The following ZNF398 variants were observed in gnomAD, a reference collection of about 807,000 sequenced individuals.
The protein encoded by ZNF398 is zinc finger DNA binding protein ZER6.
Under a neutral mutation model 41.9 loss-of-function variants are expected in ZNF398, and 18 were observed. That is an observed-to-expected ratio of 0.43 (90% confidence interval 0.30 to 0.64). The LOEUF (loss-of-function observed/expected upper bound fraction) is 0.64, where lower values mean the gene tolerates loss of function less well. Ranked by LOEUF, ZNF398 falls within the 30% of genes least tolerant of loss-of-function variation. The probability of loss-of-function intolerance (pLI) is 0.14; values close to 1 mark genes in which losing one functional copy is unlikely to be tolerated. For synonymous variants in ZNF398, 260 were observed against 308.8 expected, an observed-to-expected ratio of 0.84 and a Z score of 1.66; for missense variants, 669 against 822.8, an observed-to-expected ratio of 0.81 and a Z score of 2.29.
chr7:149,170,010 G>A (rs1295318819), intron 4 of ZNF398, among the ~76,000 whole-genome samples: 1 of 152,186 alleles, frequency 6.6e-6, no homozygotes, highest in Non-Finnish European at 1.5e-5. Flanking sequence ...AATTGTTCCA[G>A]TAATGAGTTG....
In ZNF398 at chr7:149,164,495, A is replaced by G. The variant is rs182466489; in HGVS notation, c.421-1663A>G. Among the ~76,000 whole-genome samples, 104 of 152,346 alleles carry G rather than the reference A, an allele frequency of 6.8e-4. 2 individuals are homozygous for G. The East Asian group carries it at 0.014, about 21-fold the overall frequency. On this transcript the variant is annotated intron_variant, in intron 2 of 5. Coordinates refer to ENST00000475153, the MANE Select transcript of ZNF398 (RefSeq NM_170686.3). ...GAACGAAACTTTCAAGCATACTAGA[A>G]ATAACAGCCATGAAACTAGAGGCAG... is the stretch of plus-strand genomic sequence containing the variant.
Position 149,181,458 on chromosome 7 carries a change from G to A in ZNF398, c.*1657G>A, listed in dbSNP as rs1795588116. On this transcript the variant is annotated 3_prime_UTR_variant, in exon 6 of 6. Transcript: ENST00000475153. Reference sequence around the variant, plus strand: ...GAGGTCTAGAACAAGGTCTGGAAATGTTTAGACAGGATATTTTCTTGATGA... The same window carrying A: ...GAGGTCTAGAACAAGGTCTGGAAATATTTAGACAGGATATTTTCTTGATGA... 6.6e-6 allele frequency: 1 copy of A among 152,200 alleles called. No homozygotes were observed. The highest frequency in any genetic ancestry group is 6.5e-5 in the Admixed American group (1 of 15,274). The allele number at this position is 152,200 out of a possible 1,614,324, so 9.4% of individuals were successfully genotyped here. A position where few individuals can be genotyped will look rare whatever the true frequency, so the allele number is the denominator to read the frequency against.
At chr7:149,177,876 T>C (rs1795493880) in intron 5 of ZNF398, among the ~76,000 whole-genome samples, 2 of 152,106 alleles carry the variant, frequency 1.3e-5, no homozygotes, top group South Asian at 4.1e-4. Flanking sequence ...GGGCTGGGTG[T>C]GGTGGCTCAT....
intron 1 of ZNF398, among the ~76,000 whole-genome samples, chr7:149,148,915 T>G (rs1191057717): frequency 7.5e-6 from 1 of 133,460 alleles, no homozygotes; most frequent in African/African-American, 2.7e-5. Flanking sequence ...TCATGATCAG[T>G]ATTTTATGTG....
At chr7:149,155,734 T>TTTTTTTTTTTATTA (rs1794962115) in intron 2 of ZNF398, among the ~76,000 whole-genome samples, 1 of 110,654 alleles carries the variant, frequency 9.0e-6, no homozygotes. Flanking sequence ...TTTTTTAATT[T>TTTTTTTTTTTATTA]TTTTTTTTTT....
Position 149,180,234 on chromosome 7 carries a change from C to A in ZNF398, c.*433C>A. 1 of 156,444 alleles carries A rather than the reference C, an allele frequency of 6.4e-6. No homozygotes were observed. The highest frequency in any genetic ancestry group is 1.4e-5 in the Non-Finnish European group (1 of 70,646). 9.7% of individuals were successfully genotyped at this position (156,444 alleles called of 1,614,324 possible). ...GGCATGAGAATGTTTAACTATAAAG[C>A]CTTTTATTAGTTCTTTGATAGCTAA... On this transcript the variant is annotated 3_prime_UTR_variant, in exon 6 of 6. Transcript: ENST00000475153.
Position 149,154,055 on chromosome 7 carries a change from A to C in ZNF398, c.135A>C (p.Thr45=). 1 of 1,614,178 alleles carries C rather than the reference A, an allele frequency of 6.2e-7. No individual in the cohort carries two copies. Among genetic ancestry groups the C allele is most frequent in the Non-Finnish European group, 8.5e-7 (1 of 1,180,024 alleles). The change falls in exon 2 of 6, where the codon ACA becomes ACC. Residue 45 remains threonine (T), a synonymous_variant. Coordinates refer to ENST00000475153, the MANE Select transcript of ZNF398 (RefSeq NM_170686.3). ...HLQTAAISLW[T]VVAAVQAIER... ...AGACAGCAGCTATCTCTCTGTGGAC[A>C]GTGGTGGCCGCCGTGCAGGCTATAG...
At chr7:149,178,604 G>T (rs767661868) in intron 5 of ZNF398, 44 bp from the exon 6 acceptor site, 1 of 1,520,888 alleles carries the variant, frequency 6.6e-7, no homozygotes. Context: ...AGTTGCTAGT[G>T]AGACAGTTAT....
chr7:149,157,192 T>G (rs1794997756), intron 2 of ZNF398, among the ~76,000 whole-genome samples: 1 of 151,956 alleles, frequency 6.6e-6, no homozygotes, highest in Non-Finnish European at 1.5e-5. Context: ...ATGTTAGGTT[T>G]GAAATGCCTG....
chr7:149,154,241 G>A lies in ZNF398; in HGVS notation c.321G>A (p.Gly107=). 1 of 1,614,170 alleles carries A rather than the reference G, an allele frequency of 6.2e-7. No individual in the cohort carries two copies. Among genetic ancestry groups the A allele is most frequent in the Non-Finnish European group, 8.5e-7 (1 of 1,180,028 alleles). ...AVLGTLLQEY[G]LLQRRLENLE... ...TGGGAACCCTGCTGCAGGAGTACGG[G>A]CTGCTGCAGAGGCGGCTGGAGAACT... Residue 107 remains glycine (G), a synonymous_variant, in exon 2 of 6, where the codon GGG becomes GGA. Transcript: ENST00000475153.
At chr7:149,133,201 C>T (rs918230986) in intron 2 of ZNF398, among the ~76,000 whole-genome samples, 7 of 151,498 alleles carry the variant, frequency 4.6e-5, no homozygotes, top group African/African-American at 9.7e-5. Flanking sequence ...CTGCAACTTC[C>T]GCCTCATTGG....
chr7:149,171,957 C>A (rs1265996866), intron 4 of ZNF398, among the ~76,000 whole-genome samples: 1 of 152,196 alleles, frequency 6.6e-6, no homozygotes, highest in Non-Finnish European at 1.5e-5. Context: ...ATGTGAGCCA[C>A]CATGCTCGAC....
chr7:149,176,446 T>C, intron 4 of ZNF398, 22 bp from the exon 5 acceptor site: 1 of 1,569,584 alleles, frequency 6.4e-7, no homozygotes, highest in African/African-American at 1.3e-5. Flanking sequence ...GAAGGCCATT[T>C]TTTTTTCCTC....
intron 5 of ZNF398, among the ~76,000 whole-genome samples, chr7:149,177,109 A>C (rs1031469924): frequency 1.3e-5 from 2 of 151,120 alleles, no homozygotes; most frequent in Non-Finnish European, 3.0e-5. Context: ...ATACAGCTTA[A>C]TGCATTCTGT....
At chr7:149,145,215 G>T (rs2129519824), upstream of ZNF398, among the ~76,000 whole-genome samples, 1 of 152,250 alleles carries the variant, frequency 6.6e-6, no homozygotes. Context: ...GTTTAGCAGG[G>T]TTTGATTCAT....
chr7:149,146,562 A>C (rs1166007350), upstream of ZNF398, among the ~76,000 whole-genome samples: 5 of 151,488 alleles, frequency 3.3e-5, no homozygotes, highest in African/African-American at 1.2e-4. Flanking sequence ...TAAATCAATA[A>C]ATAAGGCCGG....
intron 2 of ZNF398, among the ~76,000 whole-genome samples, chr7:149,162,838 G>A (rs1394297399): frequency 2.0e-5 from 3 of 151,380 alleles, no homozygotes; most frequent in Admixed American, 6.6e-5. Context: ...TGGGCAGATC[G>A]CCTGAGGTCA....
rs1826993516 is a variant in ZNF398, at chr7:149,147,845, G to C, written c.24+79G>C. ...GAGGAAGGCGGGCGGGCAGGGAGCT[G>C]CCAGGCATAGGCGCCGTTCTCGGGT... On this transcript the variant is annotated intron_variant, in intron 1 of 5. Coordinates refer to ENST00000475153, the MANE Select transcript of ZNF398 (RefSeq NM_170686.3). This position sits in a 1 kb window ranked among gnomAD's most constrained non-coding sequence, Gnocchi z 5.6. 1 of 1,304,308 alleles carries C rather than the reference G, an allele frequency of 7.7e-7. No individual in the cohort carries two copies. 80.8% of individuals were successfully genotyped at this position (1,304,308 alleles called of 1,614,324 possible).
chr7:149,126,542 GGGAGGGGAAAC>G, exon 1 of ZNF398: 1 of 465,300 alleles, frequency 2.1e-6, no homozygotes, highest in African/African-American at 2.1e-5. Context: ...GGGAGCTGAC[GGGAGGGGAAAC>G]GGAGGGGCAG....
Sources: allele counts gnomAD v4.1 joint callset (sites outside exome capture counted in the v4.1 genomes callset), GRCh38; gene constraint gnomAD v4.1.1; non-coding constraint Gnocchi (gnomAD v3.1); transcripts MANE v1.5; gene names NCBI Gene and HGNC (gene_info 2026-07-23, HGNC 2026-07-21).